PCCA: variants seen among roughly 807,000 people sequenced by gnomAD.
The protein encoded by PCCA is propionyl-CoA carboxylase subunit alpha, also known as propionyl-CoA carboxylase alpha chain, mitochondrial.
In PCCA, 74 loss-of-function variants were observed where a neutral mutation model predicts 101.3. The ratio of observed to expected loss-of-function variants is 0.73; its 90% CI spans 0.61 to 0.89. The LOEUF (loss-of-function observed/expected upper bound fraction) is 0.89. Ranked by LOEUF, PCCA falls within the 40% of genes least tolerant of loss-of-function variation. The pLI is 0.00. For synonymous variants in PCCA, 294 were observed against 313.6 expected, an observed-to-expected ratio of 0.94 and a Z score of 0.66; for missense variants, 891 against 907.0, an observed-to-expected ratio of 0.98 and a Z score of 0.23.
intron 19 of PCCA, among the ~76,000 whole-genome samples, chr13:100,403,834 T>A (rs952350069): frequency 3.9e-5 from 6 of 152,104 alleles, no homozygotes; most frequent in Non-Finnish European, 8.8e-5. Context: ...GCCAGGTTCC[T>A]CCCTGCTGCA....
rs140914445 is a variant in PCCA at position 100,213,463 on chromosome 13, G to A, written c.600+4000G>A. 3.1e-3 allele frequency among the ~76,000 whole-genome samples: 478 copies of A among 152,184 alleles called. 2 individuals are homozygous for A. The highest frequency in any genetic ancestry group is 0.011 in the African/African-American group (457 of 41,538). ...GGGTGAGATGATCTCTCATTGTATT[G>A]CATTTCTCTGATGATCAGTGATGTT... On this transcript the variant is annotated intron_variant, in intron 7 of 23. Transcript: ENST00000376285.
At chr13:100,155,553 T>C (rs749470125) in intron 5 of PCCA, among the ~76,000 whole-genome samples, 3 of 152,238 alleles carry the variant, frequency 2.0e-5, no homozygotes, top group African/African-American at 4.8e-5. Context: ...AGTTTGTTAA[T>C]GTCAGTAGAA....
At chr13:100,237,442 A>G (rs1197119570) in intron 8 of PCCA, 2 of 152,118 alleles carry the variant, frequency 1.3e-5, no homozygotes, top group African/African-American at 4.8e-5. Context: ...CAAAAAGCCT[A>G]TCAGTACTTC....
chr13:100,459,035 CCTCT>C (rs1419441394), intron 21 of PCCA, among the ~76,000 whole-genome samples: 3 of 152,112 alleles, frequency 2.0e-5, no homozygotes, highest in African/African-American at 7.2e-5. Context: ...CTGTTCTGTG[CCTCT>C]CTCCTGGCTT....
chr13:100,515,583 G>GTC lies in PCCA; in HGVS notation c.2040+22_2040+23dup, dbSNP rs1312258807. 6 of 1,612,596 alleles carry GTC rather than the reference G, an allele frequency of 3.7e-6. No homozygotes were observed. The highest frequency in any genetic ancestry group is 5.1e-6 in the Non-Finnish European group (6 of 1,179,880). On this transcript the variant is annotated intron_variant, in intron 22 of 23. Coordinates refer to ENST00000376285, the MANE Select transcript of PCCA (RefSeq NM_000282.4). ...TGGAGACGCGGTAAGGGCTGTGTGT[G>GTC]TCTCTCTGCAGGACATGCTGGTCTC...
intron 21 of PCCA, among the ~76,000 whole-genome samples, chr13:100,462,023 T>C (rs1247480026): frequency 6.6e-6 from 1 of 152,116 alleles, no homozygotes; most frequent in Non-Finnish European, 1.5e-5. Flanking sequence ...AGCAGACACT[T>C]TGTGGAGGGG....
At chr13:100,159,750 C>A (rs1181164591) in intron 6 of PCCA, among the ~76,000 whole-genome samples, 3 of 152,202 alleles carry the variant, frequency 2.0e-5, no homozygotes, top group African/African-American at 4.8e-5. Context: ...CCCAGCCTGA[C>A]TGTGCGCTGC....
intron 17 of PCCA, among the ~76,000 whole-genome samples, chr13:100,334,316 T>C (rs1364228873): frequency 6.6e-6 from 1 of 152,178 alleles, no homozygotes; most frequent in Non-Finnish European, 1.5e-5. Context: ...GTATTTACTG[T>C]AAAGAAATTG....
rs1391612201 is a variant in PCCA, at chr13:100,137,041, G to A, written c.301-17938G>A. On this transcript the variant is annotated intron_variant, in intron 4 of 23. Transcript: ENST00000376285. ...AATTTTCTCTCTAAGCACTCTAAGT[G>A]CATCTAATATTTTTTTTTATATATT... is the stretch of plus-strand genomic sequence containing the variant. 2.0e-5 allele frequency among the ~76,000 whole-genome samples: 3 copies of A among 151,860 alleles called. No homozygotes were observed. In the East Asian group the frequency reaches 5.8e-4, roughly 29 times the overall value.
intron 7 of PCCA, among the ~76,000 whole-genome samples, chr13:100,229,172 C>T (rs2060323930): frequency 6.6e-6 from 1 of 151,804 alleles, no homozygotes; most frequent in Non-Finnish European, 1.5e-5. Flanking sequence ...AAAATTCAAA[C>T]TCTGGAAGTT....
intron 19 of PCCA, among the ~76,000 whole-genome samples, chr13:100,399,508 T>C (rs550431268): frequency 6.6e-5 from 10 of 152,080 alleles, no homozygotes; most frequent in Non-Finnish European, 1.5e-4. Context: ...AGGAACAGAG[T>C]TGAGTATTGC....
intron 4 of PCCA, among the ~76,000 whole-genome samples, chr13:100,113,002 G>A (rs2048463764): frequency 1.3e-5 from 2 of 152,292 alleles, no homozygotes; most frequent in African/African-American, 4.8e-5. Flanking sequence ...TGCAAGCATT[G>A]TTTCTCATTG....
intron 4 of PCCA, among the ~76,000 whole-genome samples, chr13:100,130,598 T>G (rs984023387): frequency 1.3e-5 from 2 of 152,214 alleles, no homozygotes; most frequent in African/African-American, 4.8e-5. Flanking sequence ...ATAAATAGTA[T>G]TTGAAAATGT....
intron 4 of PCCA, among the ~76,000 whole-genome samples, chr13:100,146,014 G>A (rs1349953518): frequency 1.3e-5 from 2 of 148,470 alleles, no homozygotes; most frequent in African/African-American, 2.5e-5. Context: ...TCGGCAGCTC[G>A]CTGCAATCTC....
chr13:100,167,621 G>GT (rs1489466338), intron 6 of PCCA, among the ~76,000 whole-genome samples: 5 of 152,046 alleles, frequency 3.3e-5, no homozygotes, highest in African/African-American at 4.8e-5. Context: ...AGACTTTCTT[G>GT]TTTTTTGTTT....
At chr13:100,374,779 T>C (rs867153363) in intron 19 of PCCA, among the ~76,000 whole-genome samples, 5 of 152,306 alleles carry the variant, frequency 3.3e-5, no homozygotes, top group Middle Eastern at 3.4e-3. Context: ...AAAGCAATTG[T>C]ATATGATCCT....
intron 19 of PCCA, among the ~76,000 whole-genome samples, chr13:100,413,814 C>T (rs538332622): frequency 1.4e-4 from 21 of 152,252 alleles, no homozygotes; most frequent in African/African-American, 4.6e-4. Flanking sequence ...GGTAGGGGAG[C>T]GAAAGGCAGT....
At chr13:100,266,197 G>A (rs1394304150) in intron 10 of PCCA, among the ~76,000 whole-genome samples, 5 of 152,128 alleles carry the variant, frequency 3.3e-5, no homozygotes, top group African/African-American at 1.2e-4. Context: ...TTTCGTAACA[G>A]GCCATGAGGT....
At chr13:100,271,019 CG>C (rs1259563174) in intron 11 of PCCA, among the ~76,000 whole-genome samples, 1 of 150,650 alleles carries the variant, frequency 6.6e-6, no homozygotes, top group Non-Finnish European at 1.5e-5. Flanking sequence ...CCCCACCCCC[CG>C]AAAAATAAAA....
Sources: allele counts gnomAD v4.1 joint callset (sites outside exome capture counted in the v4.1 genomes callset), GRCh38; gene constraint gnomAD v4.1.1; transcripts MANE v1.5; gene names NCBI Gene and HGNC (gene_info 2026-07-23, HGNC 2026-07-21).